The following RCOR1 variants were observed in gnomAD, a reference collection of about 807,000 sequenced individuals.
RCOR1 encodes REST corepressor.
RCOR1 carries 12 observed loss-of-function variants against 64.0 expected under a neutral mutation model. The ratio of observed to expected loss-of-function variants is 0.19; its 90% CI spans 0.12 to 0.30. The LOEUF (loss-of-function observed/expected upper bound fraction) is 0.30. RCOR1 is among the 10% of genes least tolerant of loss of function. RCOR1 has a pLI of 1.00. For synonymous variants in RCOR1, 279 were observed against 227.2 expected (o/e 1.23, Z -2.05); for missense variants, 502 against 621.2 (o/e 0.81, Z 2.04).
At chr14:102,701,117 A>G (rs985970877) in intron 3 of RCOR1, among the ~76,000 whole-genome samples, 161 bp from the exon 4 acceptor site, 2 of 152,214 alleles carry the variant, frequency 1.3e-5, no homozygotes, top group Non-Finnish European at 2.9e-5. Flanking sequence ...CTCCTACAGC[A>G]CTTGGGAATT....
chr14:102,720,959 T>C, intron 8 of RCOR1, 48 bp from the exon 9 acceptor site: 3 of 1,047,002 alleles, frequency 2.9e-6, no homozygotes, highest in Non-Finnish European at 4.2e-6. Context: ...TTTTCATACC[T>C]TTATATAGTT....
Position 102,681,094 on chromosome 14 carries a change from A to C in RCOR1, c.362-801A>C, listed in dbSNP as rs539413167. ...ATAAAAGAAGAAATTCGTCAACCAG[A>C]CTGTGGGTTTCCTAGATTTTTGTTT... On this transcript the variant is annotated intron_variant, in intron 2 of 11. Transcript: ENST00000262241. Among the ~76,000 whole-genome samples the C allele has an allele frequency of 5.3e-5, 8 of 152,202 alleles. No individual in the cohort carries two copies. The South Asian group carries it at 1.7e-3, about 32-fold the overall frequency.
At chr14:102,621,367 C>CTTTTTTTTTT (rs35481023) in intron 2 of RCOR1, among the ~76,000 whole-genome samples, 1 of 78,516 alleles carries the variant, frequency 1.3e-5, no homozygotes, top group African/African-American at 5.1e-5. Flanking sequence ...CAGTCTTTGT[C>CTTTTTTTTTT]TTTTTTTTTT....
intron 2 of RCOR1, among the ~76,000 whole-genome samples, chr14:102,635,869 G>C (rs968895378): frequency 3.3e-5 from 5 of 152,108 alleles, no homozygotes. Flanking sequence ...CTTATGCCCA[G>C]CAATTGCAGT....
At chr14:102,645,817 G>C (rs1279702479) in intron 2 of RCOR1, among the ~76,000 whole-genome samples, 1 of 152,222 alleles carries the variant, frequency 6.6e-6, no homozygotes, top group African/African-American at 2.4e-5. Flanking sequence ...AGATGGTAGA[G>C]CTGAAGAGTA....
intron 10 of RCOR1, 185 bp downstream of exon 10, chr14:102,721,562 AATT>A: frequency 2.4e-6 from 1 of 408,244 alleles, no homozygotes; most frequent in Non-Finnish European, 4.3e-6. Flanking sequence ...AAAAAAAAAA[AATT>A]TTTTTTTTAA....
At chr14:102,630,525 A>C (rs1047767302) in intron 2 of RCOR1, among the ~76,000 whole-genome samples, 1 of 152,198 alleles carries the variant, frequency 6.6e-6, no homozygotes, top group Non-Finnish European at 1.5e-5. Context: ...CAACTGTTCA[A>C]AGGTAAGAAT....
intron 2 of RCOR1, among the ~76,000 whole-genome samples, chr14:102,612,459 A>G (rs556011889): frequency 6.6e-6 from 1 of 151,642 alleles, no homozygotes; most frequent in South Asian, 2.1e-4. Flanking sequence ...TCAGCCTCCC[A>G]AAGTGCTGGG....
chr14:102,670,812 C>T (rs951755446), intron 2 of RCOR1, among the ~76,000 whole-genome samples: 3 of 151,422 alleles, frequency 2.0e-5, no homozygotes, highest in African/African-American at 7.3e-5. Context: ...TTGCTCTTGT[C>T]GCCCAGGCTG....
intron 2 of RCOR1, chr14:102,650,985 G>C (rs1478615005): frequency 3.5e-6 from 3 of 851,844 alleles, no homozygotes; most frequent in Non-Finnish European, 4.2e-6. Context: ...ACTCATAATA[G>C]AATACAGGTA....
intron 4 of RCOR1, among the ~76,000 whole-genome samples, chr14:102,705,275 C>T (rs1449072566): frequency 6.6e-6 from 1 of 152,182 alleles, no homozygotes; most frequent in African/African-American, 2.4e-5. Context: ...GCCTCATGAT[C>T]ATGTCCAAGT....
chr14:102,688,988 C>G (rs1895476703), intron 3 of RCOR1, among the ~76,000 whole-genome samples: 1 of 152,230 alleles, frequency 6.6e-6, no homozygotes, highest in South Asian at 2.1e-4. Context: ...AGGATACCAC[C>G]TCTTGCCTTC....
intron 2 of RCOR1, among the ~76,000 whole-genome samples, chr14:102,660,856 G>A (rs1235916250): frequency 2.0e-5 from 3 of 152,030 alleles, no homozygotes; most frequent in African/African-American, 7.3e-5. Context: ...ATATTATAAG[G>A]ATAGATATTT....
intron 3 of RCOR1, among the ~76,000 whole-genome samples, chr14:102,697,771 A>T (rs1895677418): frequency 6.7e-6 from 1 of 150,130 alleles, no homozygotes; most frequent in Admixed American, 6.6e-5. Flanking sequence ...CCCAGGTTGG[A>T]ATGCAGTGGC....
intron 2 of RCOR1, among the ~76,000 whole-genome samples, chr14:102,674,164 T>A (rs1895090422): frequency 6.6e-6 from 1 of 152,234 alleles, no homozygotes; most frequent in Non-Finnish European, 1.5e-5. Flanking sequence ...TCTCAACTTC[T>A]GGAAAAATCT....
chr14:102,615,956 A>T (rs1020358429), intron 2 of RCOR1, among the ~76,000 whole-genome samples: 2 of 152,132 alleles, frequency 1.3e-5, no homozygotes, highest in African/African-American at 4.8e-5. Context: ...CTCTAATTGA[A>T]TTCAGTTCTG....
intron 2 of RCOR1, among the ~76,000 whole-genome samples, chr14:102,621,290 T>C (rs902596004): frequency 1.1e-4 from 17 of 151,236 alleles, no homozygotes; most frequent in African/African-American, 4.1e-4. Flanking sequence ...CTGATTTAAA[T>C]AATTCTTTGT....
chr14:102,619,492 T>C (rs1171054620), intron 2 of RCOR1, among the ~76,000 whole-genome samples: 18 of 94,892 alleles, frequency 1.9e-4, no homozygotes, highest in African/African-American at 6.7e-4. Context: ...TTTTTTTTTT[T>C]TTTTTGGAGT....
At chr14:102,686,088 T>C (rs991417636) in intron 3 of RCOR1, among the ~76,000 whole-genome samples, 7 of 152,326 alleles carry the variant, frequency 4.6e-5, no homozygotes, top group South Asian at 2.1e-4. Flanking sequence ...ACATCTGATA[T>C]GTATCAGTAA....
Sources: gnomAD v4.1 joint callset for allele counts (sites outside exome capture counted in the v4.1 genomes callset) on GRCh38, gnomAD v4.1.1 for gene constraint, MANE v1.5 for transcripts, NCBI Gene and HGNC (gene_info 2026-07-23, HGNC 2026-07-21) for gene names.